Variants in MAPK6 observed in about 807,000 individuals in gnomAD.
The protein encoded by MAPK6 is ERK-3.
MAPK6 carries 19 observed loss-of-function variants against 59.3 expected under a neutral mutation model. The ratio of observed to expected loss-of-function variants is 0.32; its 90% CI spans 0.22 to 0.47. MAPK6 has a LOEUF of 0.47. Among genes scored for constraint, MAPK6 ranks in the 20% least tolerant of loss-of-function variants. The pLI is 1.00. For missense variants in MAPK6, 724 were observed against 847.9 expected, an observed-to-expected ratio of 0.85 and a Z score of 1.81; for synonymous variants, 316 against 290.3, an observed-to-expected ratio of 1.09 and a Z score of -0.90.
In MAPK6 at chr15:52,066,584, C is replaced by T. The variant is rs1188802720; in HGVS notation, c.*1584C>T. 7.4e-6 allele frequency: 1 copy of T among 135,854 alleles called. No homozygotes were observed. The highest frequency in any genetic ancestry group is 1.6e-5 in the Non-Finnish European group (1 of 61,134). 8.4% of individuals were successfully genotyped at this position (135,854 alleles called of 1,614,324 possible). On this transcript the variant is annotated 3_prime_UTR_variant, in exon 6 of 6. Transcript: ENST00000261845. ...CTCTTCACCTCACTTTTCTTTCATC[C>T]TTGTTTTGTACAACACCAATTCTAT... is the stretch of plus-strand genomic sequence containing the variant.
At chr15:51,988,701 C>T (rs1054151462) in intron 2 of MAPK6, among the ~76,000 whole-genome samples, 1 of 151,654 alleles carries the variant, frequency 6.6e-6, no homozygotes, top group Non-Finnish European at 1.5e-5. Flanking sequence ...CATTGCACTC[C>T]AGCTTGGGCA....
chr15:51,987,713 T>A (rs888667506), intron 2 of MAPK6, among the ~76,000 whole-genome samples: 111 of 152,038 alleles, frequency 7.3e-4, no homozygotes, highest in African/African-American at 2.4e-3. Context: ...ACTGCTCTTT[T>A]TGACTTTGGC....
chr15:51,978,262 A>G (rs1222384806), intron 1 of MAPK6, among the ~76,000 whole-genome samples: 1 of 151,464 alleles, frequency 6.6e-6, no homozygotes, highest in African/African-American at 2.4e-5. Context: ...CCTCCCGACT[A>G]GCTGGGCTTA....
chr15:52,064,627 T>A lies in MAPK6; in HGVS notation c.1793T>A (p.Val598Glu). 1 of 1,611,750 alleles carries A rather than the reference T, an allele frequency of 6.2e-7. No individual in the cohort carries two copies. Among genetic ancestry groups the A allele is most frequent in the Non-Finnish European group, 8.5e-7 (1 of 1,179,696 alleles). Reference protein sequence around the residue: ...LYQSSWDSQFVSGGEDCFFIN... With the variant: ...LYQSSWDSQFESGGEDCFFIN... Reference sequence around the variant, plus strand: ...CAGTCTTCTTGGGACAGCCAGTTTGTGAGTGGTGGGGAGGACTGTTTTTTC... The same window carrying A: ...CAGTCTTCTTGGGACAGCCAGTTTGAGAGTGGTGGGGAGGACTGTTTTTTC... The change falls in exon 6 of 6, where the codon GTG becomes GAG. Residue 598 changes from valine to glutamate, a missense_variant. By Grantham distance (121) the Val-to-Glu change is moderately radical. Around this residue, in one of 4 missense-constraint regions of MAPK6, gnomAD observed 502 missense variants for 507.6 expected, o/e 0.99. Transcript: ENST00000261845.
intron 2 of MAPK6, among the ~76,000 whole-genome samples, chr15:51,995,059 C>A (rs969150637): frequency 1.3e-5 from 2 of 152,214 alleles, no homozygotes; most frequent in Admixed American, 1.3e-4. Context: ...ACAGTTTAAG[C>A]TTTGCAAGAA....
chr15:52,007,074 T>C (rs1243416306), intron 3 of MAPK6, among the ~76,000 whole-genome samples: 7 of 152,196 alleles, frequency 4.6e-5, no homozygotes, highest in African/African-American at 7.2e-5. Flanking sequence ...ATTGTTTCTA[T>C]GGGAAAATGT....
chr15:51,978,308 AT>A (rs906150986), intron 1 of MAPK6, among the ~76,000 whole-genome samples: 1 of 151,486 alleles, frequency 6.6e-6, no homozygotes, highest in African/African-American at 2.4e-5. Context: ...AATTTTTTGT[AT>A]TTTTAGTAGA....
intron 2 of MAPK6, among the ~76,000 whole-genome samples, chr15:52,047,460 C>G (rs1459500871): frequency 1.3e-5 from 2 of 152,054 alleles, no homozygotes; most frequent in Non-Finnish European, 2.9e-5. Flanking sequence ...ATTCTTGTAC[C>G]TCAGCCTCCC....
chr15:52,042,249 T>C (rs2031445455), intron 1 of MAPK6, among the ~76,000 whole-genome samples: 1 of 152,228 alleles, frequency 6.6e-6, no homozygotes, highest in Non-Finnish European at 1.5e-5. Context: ...AGCACTGCCA[T>C]TGTAAATCTT....
chr15:52,033,312 G>C (rs763825921), intron 1 of MAPK6, among the ~76,000 whole-genome samples: 1 of 152,114 alleles, frequency 6.6e-6, no homozygotes, highest in Admixed American at 6.5e-5. Context: ...GACTGGGAGA[G>C]GAAAACCCAC....
At chr15:51,991,863 T>C (rs1300919428) in intron 2 of MAPK6, among the ~76,000 whole-genome samples, 1 of 152,244 alleles carries the variant, frequency 6.6e-6, no homozygotes, top group East Asian at 1.9e-4. Flanking sequence ...TAATCCATTC[T>C]TACTGAGATC....
At chr15:52,015,477 G>A (rs142330936), upstream of MAPK6, among the ~76,000 whole-genome samples, 4,789 of 149,662 alleles carry the variant, frequency 0.032, 117 homozygotes, top group Non-Finnish European at 0.05. Flanking sequence ...CCACAGAATG[G>A]GATTTTTTTT....
rs964775744 is a variant in MAPK6, at chr15:51,998,687, ATTTT to A, written c.-769-5560_-769-5557del. Among the ~76,000 whole-genome samples, 54 of 38,494 alleles carry A rather than the reference ATTTT, an allele frequency of 1.4e-3. 9 individuals are homozygous for A. The highest frequency in any genetic ancestry group is 2.2e-3 in the Non-Finnish European group (47 of 21,536). The allele number at this position is 38,494 out of a possible 152,430, so 25.3% of individuals were successfully genotyped here. A position where few individuals can be genotyped will look rare whatever the true frequency, so the allele number is the denominator to read the frequency against. ...AGGCGTGCGCCACCATGCCTGGTTA[ATTTT>A]TTTTTTTTTTTTTTTTTGAGACGGA... On this transcript the variant is annotated intron_variant, in intron 2 of 7. Transcript: ENST00000691380.
upstream of MAPK6, among the ~76,000 whole-genome samples, chr15:52,016,070 G>GCGCGCAAACACACACACACACACACA: frequency 5.4e-5 from 3 of 55,392 alleles, no homozygotes; most frequent in Admixed American, 2.0e-4. Context: ...GCGCGCGCGC[G>GCGCGCAAACACACACACACACACACA]CACACACACA....
Position 52,026,515 on chromosome 15 carries a change from C to T in MAPK6, c.-632+7139C>T, listed in dbSNP as rs374106905. ...CCATGTTGGCCAGGCTGGTCTTGAA[C>T]TCCTGACCTCAAGTGATCCACCCGT... On this transcript the variant is annotated intron_variant, in intron 1 of 5. Transcript: ENST00000261845. Among the ~76,000 whole-genome samples the T allele has an allele frequency of 2.9e-4, 44 of 152,102 alleles. 5 individuals carry two copies. Among genetic ancestry groups the T allele is most frequent in the South Asian group, 1.9e-3 (9 of 4,814 alleles).
chr15:52,046,736 A>G lies in MAPK6; in HGVS notation c.276A>G (p.Thr92=), dbSNP rs763046031. ...TTGGTCCCAGTGGAAGCCAATTAACAGACGATGTGGGCTCTCTTACGGAAC... is the reference window on the plus strand; with the variant it reads ...TTGGTCCCAGTGGAAGCCAATTAACGGACGATGTGGGCTCTCTTACGGAAC... The part of the protein sequence containing the change: ...EILGPSGSQL[T]DDVGSLTELN... The change falls in exon 2 of 6, where the codon ACA becomes ACG. Residue 92 remains threonine, a synonymous_variant. Coordinates refer to ENST00000261845, the MANE Select transcript of MAPK6 (RefSeq NM_002748.4). 2.5e-6 allele frequency: 4 copies of G among 1,614,252 alleles called. No individual in the cohort carries two copies. The highest frequency in any genetic ancestry group is 2.2e-5 in the East Asian group (1 of 44,894).
chr15:52,064,808 G>A lies in MAPK6; in HGVS notation c.1974G>A (p.Glu658=), dbSNP rs2032349177. Residue 658 remains glutamate, a synonymous_variant, in exon 6 of 6, where the codon GAG becomes GAA. Transcript: ENST00000261845. ...GGAAGCTTGGGGAGAGAGGACATGA[G>A]GAAGGATTTCTGAACAACAGTGGGG... ...EDGKLGERGH[E]EGFLNNSGEF... The A allele has an allele frequency of 5.0e-6, 8 of 1,611,866 alleles. No individual in the cohort carries two copies. The South Asian group carries it at 8.8e-5, about 18-fold the overall frequency.
At position 52,064,714 on chromosome 15, in the gene MAPK6, G is replaced by C; in HGVS notation, c.1880G>C (p.Ser627Thr). 1 of 1,611,862 alleles carries C rather than the reference G, an allele frequency of 6.2e-7. No individual in the cohort carries two copies. Among genetic ancestry groups the C allele is most frequent in the East Asian group, 2.2e-5 (1 of 44,888 alleles). Residue 627 changes from serine to threonine, a missense_variant, in exon 6 of 6, where the codon AGT becomes ACT. By Grantham distance (58) the Ser-to-Thr change is moderately conservative. This residue lies in a region of MAPK6 where 502 missense variants were observed against 507.6 expected (regional missense o/e 0.99). Transcript: ENST00000261845. ...GTTGAGAAGGAAAACACTTACACTA[G>C]TTACTTGGACAAGTTCTTTAGCAGG... ...EQVEKENTYT[S>T]YLDKFFSRKE...
intron 5 of MAPK6, among the ~76,000 whole-genome samples, chr15:52,062,306 C>T (rs541103385): frequency 4.1e-4 from 63 of 151,886 alleles, no homozygotes; most frequent in Non-Finnish European, 7.7e-4. Context: ...AAATTATAGG[C>T]GTGAACCACC....
Sources: gnomAD v4.1 joint callset for allele counts (sites outside exome capture counted in the v4.1 genomes callset) on GRCh38, gnomAD v4.1.1 for gene constraint, gnomAD v4.1.1 regional missense constraint, MANE v1.5 for transcripts, NCBI Gene and HGNC (gene_info 2026-07-23, HGNC 2026-07-21) for gene names.